Variants in CENPM observed in about 807,000 individuals in gnomAD.
The protein encoded by CENPM is interphase centromere complex protein 39.
CENPM carries 14 observed loss-of-function variants against 19.6 expected under a neutral mutation model. The ratio of observed to expected loss-of-function variants is 0.71; its 90% CI spans 0.47 to 1.11. The LOEUF (loss-of-function observed/expected upper bound fraction) is 1.11. Ranked by LOEUF, CENPM falls within the 50% of genes most tolerant of loss-of-function variation. The probability of loss-of-function intolerance (pLI) is 0.00; values close to 1 mark genes in which losing one functional copy is unlikely to be tolerated. For synonymous variants in CENPM, 114 were observed against 101.5 expected (o/e 1.12, Z -0.74); for missense variants, 239 against 228.4 (o/e 1.05, Z -0.30).
chr22:41,935,447 G>A (rs1032014095), downstream of CENPM, among the ~76,000 whole-genome samples: 11 of 152,220 alleles, frequency 7.2e-5, no homozygotes, highest in African/African-American at 1.9e-4. Context: ...GCAAAGACAC[G>A]CATTCTGGCC....
intron 5 of CENPM, among the ~76,000 whole-genome samples, chr22:41,939,878 A>AAAAGAAAGAAAGAAAGAAAAAG (rs2077719937): frequency 1.8e-4 from 13 of 72,986 alleles, no homozygotes; most frequent in Admixed American, 3.7e-4. Flanking sequence ...GAAAGAAAGA[A>AAAAGAAAGAAAGAAAGAAAAAG]AAAGAAAGAA....
intron 2 of CENPM, 166 bp downstream of exon 2, chr22:41,946,251 G>A (rs2077800216): frequency 3.0e-6 from 2 of 667,450 alleles, no homozygotes; most frequent in Non-Finnish European, 2.6e-6. Flanking sequence ...CCTCGGCAAG[G>A]GGAGGTTGGG....
intron 5 of CENPM, among the ~76,000 whole-genome samples, chr22:41,941,575 G>A (rs980981305): frequency 5.3e-5 from 8 of 152,318 alleles, no homozygotes; most frequent in African/African-American, 9.6e-5. Flanking sequence ...GATGCTTCGT[G>A]GCAGACAAAG....
At chr22:41,939,856 G>GAAAAAGAAAGAAAGAAAGAAAAAAAGAA (rs1221942295) in intron 5 of CENPM, among the ~76,000 whole-genome samples, 1 of 27,382 alleles carries the variant, frequency 3.7e-5, no homozygotes, top group Non-Finnish European at 5.8e-5. Flanking sequence ...AAGAAAGAAA[G>GAAAAAGAAAGAAAGAAAGAAAAAAAGAA]AAAGAAAGAA....
intron 5 of CENPM, among the ~76,000 whole-genome samples, chr22:41,941,383 C>T (rs886331321): frequency 1.3e-5 from 2 of 152,214 alleles, no homozygotes; most frequent in African/African-American, 2.4e-5. Context: ...GCTCCTGCTG[C>T]GGCGGGAACC....
At chr22:41,938,051 C>G (rs758517581), downstream of CENPM, among the ~76,000 whole-genome samples, 1 of 151,636 alleles carries the variant, frequency 6.6e-6, no homozygotes, top group Non-Finnish European at 1.5e-5. Context: ...TCACTGTTAG[C>G]CAGGATGGTC....
At chr22:41,939,274 C>A in intron 5 of CENPM, 78 bp from the exon 6 acceptor site, 1 of 1,491,768 alleles carries the variant, frequency 6.7e-7, no homozygotes, top group South Asian at 1.3e-5. Context: ...CAGGGGCTGC[C>A]AGAGCAGGGC....
At chr22:41,946,749 A>T (rs2077809682) in intron 1 of CENPM, 2 of 597,922 alleles carry the variant, frequency 3.3e-6, no homozygotes, top group East Asian at 2.8e-5. Flanking sequence ...AGGAGGCCAG[A>T]CCCCCAGACG....
the CENPM span, among the ~76,000 whole-genome samples, chr22:41,930,074 G>T: frequency 6.6e-6 from 1 of 150,388 alleles, no homozygotes; most frequent in Non-Finnish European, 1.5e-5. Flanking sequence ...CTCCCGAGTA[G>T]CTGGGACTAC....
At chr22:41,931,813 T>G in the CENPM span, among the ~76,000 whole-genome samples, 3 of 152,198 alleles carry the variant, frequency 2.0e-5, no homozygotes, top group Admixed American at 6.5e-5. Context: ...GGAGCAGTCC[T>G]TGGGGACAGA....
At chr22:41,935,787 C>G (rs1366201552), downstream of CENPM, among the ~76,000 whole-genome samples, 2 of 152,164 alleles carry the variant, frequency 1.3e-5, no homozygotes, top group East Asian at 3.8e-4. Flanking sequence ...GGAACCATGG[C>G]TTGCAGACTG....
downstream of CENPM, among the ~76,000 whole-genome samples, chr22:41,937,080 C>T (rs1382880941): frequency 6.6e-6 from 1 of 152,170 alleles, no homozygotes; most frequent in Non-Finnish European, 1.5e-5. Context: ...TGTCATGTTC[C>T]AAGGGAGTCA....
intron 3 of CENPM, 73 bp from the exon 4 acceptor site, chr22:41,945,377 T>C: frequency 1.3e-6 from 2 of 1,597,542 alleles, no homozygotes; most frequent in Non-Finnish European, 1.7e-6. Context: ...CAGAAGTCCT[T>C]GCTTCTCTGA....
chr22:41,927,810 C>T, the CENPM span, among the ~76,000 whole-genome samples: 2 of 152,144 alleles, frequency 1.3e-5, no homozygotes, highest in Non-Finnish European at 1.5e-5. Flanking sequence ...TGACATCAGA[C>T]ACTTGTACCA....
chr22:41,936,129 C>G (rs1346372437), downstream of CENPM, among the ~76,000 whole-genome samples: 1 of 152,224 alleles, frequency 6.6e-6, no homozygotes, highest in African/African-American at 2.4e-5. Context: ...CGTGGCCTCC[C>G]AAAGTGTTGG....
chr22:41,942,060 A>C (rs369800878), intron 5 of CENPM, among the ~76,000 whole-genome samples: 1 of 152,218 alleles, frequency 6.6e-6, no homozygotes, highest in African/African-American at 2.4e-5. Flanking sequence ...GTCACAGATC[A>C]TGTGCTGACT....
downstream of CENPM, among the ~76,000 whole-genome samples, chr22:41,935,610 G>A (rs2077680357): frequency 6.6e-6 from 1 of 152,106 alleles, no homozygotes; most frequent in South Asian, 2.1e-4. Flanking sequence ...GCAGAGGCTG[G>A]CTTCCCCGAC....
At chr22:41,942,955 A>G (rs988450941) in intron 5 of CENPM, among the ~76,000 whole-genome samples, 4 of 151,914 alleles carry the variant, frequency 2.6e-5, no homozygotes, top group Non-Finnish European at 4.4e-5. Context: ...GACAACAACA[A>G]CAACAACAAA....
In CENPM at chr22:41,945,426, T is replaced by C. The variant is rs572426783; in HGVS notation, c.231-122A>G. The C allele has an allele frequency of 1.1e-5, 17 of 1,485,026 alleles. No homozygotes were observed. The African/African-American group carries it at 1.7e-4, about 15-fold the overall frequency. 92.0% of individuals were successfully genotyped at this position (1,485,026 alleles called of 1,614,324 possible). A position where few individuals can be genotyped will look rare whatever the true frequency, so the allele number is the denominator to read the frequency against. ...AGAATGACAAGAGGGTGACTTTCTCTGGAGAAATATTTGTCCTTTAATTTT... is the reference window on the plus strand; with the variant it reads ...AGAATGACAAGAGGGTGACTTTCTCCGGAGAAATATTTGTCCTTTAATTTT... On this transcript the variant is annotated intron_variant, in intron 3 of 5. Coordinates refer to ENST00000215980, the MANE Select transcript of CENPM (RefSeq NM_024053.5).
Sources: allele counts gnomAD v4.1 joint callset (sites outside exome capture counted in the v4.1 genomes callset), GRCh38; gene constraint gnomAD v4.1.1; transcripts MANE v1.5; gene names NCBI Gene and HGNC (gene_info 2026-07-23, HGNC 2026-07-21).